The following UTP15 variants were observed in gnomAD, a reference collection of about 807,000 sequenced individuals.
UTP15 encodes the protein UTP15 small subunit processome component.
Under a neutral mutation model 59.1 loss-of-function variants are expected in UTP15, and 5 were observed. That is an observed-to-expected ratio of 0.08 (90% CI 0.04 to 0.18). The LOEUF (loss-of-function observed/expected upper bound fraction) is 0.18. Among genes scored for constraint, UTP15 ranks in the 10% least tolerant of loss-of-function variants. The pLI, the probability that UTP15 is intolerant of heterozygous loss-of-function variation, is 1.00. For synonymous variants in UTP15, 211 were observed against 212.2 expected (o/e 0.99, Z 0.05); for missense variants, 494 against 616.7 (o/e 0.80, Z 2.11).
Position 73,570,844 on chromosome 5 carries a change from T to A in UTP15, c.673+133T>A, listed in dbSNP as rs112503473. The A allele has an allele frequency of 4.9e-3, 6,132 of 1,262,902 alleles. 211 individuals carry two copies. In the African/African-American group the frequency reaches 0.077, roughly 16 times the overall value. 78.2% of individuals were successfully genotyped at this position (1,262,902 alleles called of 1,614,324 possible). A position where few individuals can be genotyped will look rare whatever the true frequency, so the allele number is the denominator to read the frequency against. ...AGTCTTTGTTCAAACAGTTGATAGG[T>A]AGGACTGGCAAGCAGTTATCATTTA... On this transcript the variant is annotated intron_variant, in intron 6 of 12. Transcript: ENST00000296792.
chr5:73,583,258 A>G lies in UTP15; in HGVS notation c.*3164A>G, dbSNP rs1230634424. On this transcript the variant is annotated 3_prime_UTR_variant, in exon 13 of 13. Transcript: ENST00000296792. ...ATAATGAAATTCCTGATCTGGGAAA[A>G]TGGGAGGCTGGGAATGCTATGTCTA... 1 of 152,178 alleles carries G rather than the reference A, an allele frequency of 6.6e-6. No individual in the cohort carries two copies. Among genetic ancestry groups the G allele is most frequent in the Non-Finnish European group, 1.5e-5 (1 of 68,046 alleles). The allele number at this position is 152,178 out of a possible 1,614,324, so 9.4% of individuals were successfully genotyped here.
At chr5:73,576,477 CT>C (rs754301537) in intron 7 of UTP15, among the ~76,000 whole-genome samples, 481 of 129,872 alleles carry the variant, frequency 3.7e-3, no homozygotes, top group Admixed American at 4.0e-3. Flanking sequence ...GTATACAGCT[CT>C]TTTTTTTTTT....
At chr5:73,579,515 A>C in intron 12 of UTP15, 140 bp downstream of exon 12, 1 of 714,976 alleles carries the variant, frequency 1.4e-6, no homozygotes, top group Non-Finnish European at 2.3e-6. Context: ...GAAAACAACA[A>C]GTCAGTGCAG....
intron 7 of UTP15, among the ~76,000 whole-genome samples, chr5:73,576,087 G>GT (rs11396356): frequency 0.13 from 18,267 of 141,276 alleles, 2,059 homozygotes; most frequent in East Asian, 0.45. Context: ...CTGTCCTTCT[G>GT]TTTTTTTTTT....
At chr5:73,570,762 T>C (rs1446117656) in intron 6 of UTP15, 51 bp downstream of exon 6, 1 of 1,602,074 alleles carries the variant, frequency 6.2e-7, no homozygotes, top group South Asian at 1.1e-5. Context: ...GAATCACGTT[T>C]GTTTAAAATC....
chr5:73,565,915 A>AGGTGAAGG lies in UTP15; in HGVS notation c.-84+4_-84+11dup, dbSNP rs757041005. Reference sequence around the variant, plus strand: ...GGACCCTTTGGGGCTCAGTGGAGGTAGGTGAAGGCGGCTCCCATTGAGGGA... The same window carrying AGGTGAAGG: ...GGACCCTTTGGGGCTCAGTGGAGGTAGGTGAAGGGGTGAAGGCGGCTCCCATTGAGGGA... On this transcript the variant is annotated splice_donor_region_variant and intron_variant, in intron 1 of 12. Coordinates refer to ENST00000296792, the MANE Select transcript of UTP15 (RefSeq NM_032175.4). 41 of 455,928 alleles carry AGGTGAAGG rather than the reference A, an allele frequency of 9.0e-5. No individual in the cohort carries two copies. The highest frequency in any genetic ancestry group is 4.6e-4 in the South Asian group (30 of 64,556). 28.2% of individuals were successfully genotyped at this position (455,928 alleles called of 1,614,324 possible).
chr5:73,570,665 G>A lies in UTP15; in HGVS notation c.627G>A (p.Val209=). 2 of 1,614,202 alleles carry A rather than the reference G, an allele frequency of 1.2e-6. No homozygotes were observed. The highest frequency in any genetic ancestry group is 1.7e-6 in the Non-Finnish European group (2 of 1,180,032). Residue 209 remains valine (V), a synonymous_variant, in exon 6 of 13, where the codon GTG becomes GTA. Coordinates refer to ENST00000296792, the MANE Select transcript of UTP15 (RefSeq NM_032175.4). The part of the protein sequence containing the change: ...SVLSVEHGQP[V]ESVLLFPSGG... ...TCTCCGTTGAGCATGGGCAGCCAGT[G>A]GAGAGTGTCCTACTTTTCCCCTCTG...
chr5:73,570,175 G>C (rs189412084), intron 5 of UTP15, among the ~76,000 whole-genome samples: 7 of 152,198 alleles, frequency 4.6e-5, no homozygotes, highest in Admixed American at 3.3e-4. Context: ...TTTGTTGATT[G>C]TTCATGTCTT....
At chr5:73,575,481 G>A (rs1300488910) in intron 7 of UTP15, among the ~76,000 whole-genome samples, 1 of 151,894 alleles carries the variant, frequency 6.6e-6, no homozygotes, top group East Asian at 1.9e-4. Flanking sequence ...AAAGAATTCT[G>A]TGCCCCAAAA....
At chr5:73,569,260 T>C (rs1411151177) in intron 4 of UTP15, among the ~76,000 whole-genome samples, 1 of 142,440 alleles carries the variant, frequency 7.0e-6, no homozygotes, top group African/African-American at 2.5e-5. Context: ...GAAAATATAA[T>C]TTTAAGGCTA....
At chr5:73,570,556 A>C (rs1470615204) in intron 5 of UTP15, 30 bp from the exon 6 acceptor site, 2 of 1,609,998 alleles carry the variant, frequency 1.2e-6, no homozygotes, top group Non-Finnish European at 1.7e-6. Flanking sequence ...TTAAACAGTC[A>C]AACTAAAAAT....
chr5:73,573,292 G>T, intron 7 of UTP15, among the ~76,000 whole-genome samples: 1 of 147,654 alleles, frequency 6.8e-6, no homozygotes, highest in Admixed American at 6.8e-5. Flanking sequence ...CTGTTGCCCA[G>T]GCTGGTGTGC....
chr5:73,567,390 G>C lies in UTP15; in HGVS notation c.46G>C (p.Gly16Arg). The C allele has an allele frequency of 1.2e-6, 2 of 1,608,784 alleles. No individual in the cohort carries two copies. The highest frequency in any genetic ancestry group is 1.7e-6 in the Non-Finnish European group (2 of 1,177,412). Residue 16 changes from glycine (G) to arginine (R), a missense_variant, in exon 2 of 13, where the codon GGT becomes CGT. Gly to Arg is a moderately radical substitution (Grantham distance 125, BLOSUM62 -2). Coordinates refer to ENST00000296792, the MANE Select transcript of UTP15 (RefSeq NM_032175.4). ...AGCTATTCAGACATATCCTATACTT[G>C]GTGAAAAAATCACCCAAGATACACT... ...PVAIQTYPIL[G>R]EKITQDTLYW...
intron 9 of UTP15, 178 bp downstream of exon 9, chr5:73,578,183 G>C: frequency 3.4e-6 from 2 of 584,964 alleles, no homozygotes; most frequent in Non-Finnish European, 2.9e-6. Context: ...TGGGGAACAA[G>C]GACTACTTTA....
In UTP15 at chr5:73,579,308, A is replaced by T. The variant is rs1209424350; in HGVS notation, c.1281-9A>T. On this transcript the variant is annotated splice_polypyrimidine_tract_variant and intron_variant, in intron 11 of 12. Transcript: ENST00000296792. Reference sequence around the variant, plus strand: ...ACAAGTTTCACTAAACTGAATTTTTACTTTGTAGGAATCTTTCTCAGCCAA... The same window carrying T: ...ACAAGTTTCACTAAACTGAATTTTTTCTTTGTAGGAATCTTTCTCAGCCAA... 2 of 1,606,046 alleles carry T rather than the reference A, an allele frequency of 1.2e-6. No individual in the cohort carries two copies. Among genetic ancestry groups the T allele is most frequent in the East Asian group, 2.2e-5 (1 of 44,778 alleles).
At chr5:73,567,741 T>G (rs1026863446) in intron 2 of UTP15, 1 of 202,800 alleles carries the variant, frequency 4.9e-6, no homozygotes, top group Admixed American at 5.8e-5. Flanking sequence ...TTGCTTGTAA[T>G]AGTAGAAATC....
intron 6 of UTP15, among the ~76,000 whole-genome samples, chr5:73,571,400 A>C (rs1314321331): frequency 6.6e-6 from 1 of 151,914 alleles, no homozygotes; most frequent in Non-Finnish European, 1.5e-5. Context: ...GTTGGGACTG[A>C]GATGTTTTTC....
chr5:73,571,421 C>G (rs147987395), intron 6 of UTP15, among the ~76,000 whole-genome samples: 5 of 152,050 alleles, frequency 3.3e-5, no homozygotes, highest in African/African-American at 1.2e-4. Context: ...TCATTTTGCA[C>G]ATATTGCATT....
chr5:73,575,726 C>T (rs1371900550), intron 7 of UTP15, among the ~76,000 whole-genome samples: 27 of 139,916 alleles, frequency 1.9e-4, no homozygotes, highest in African/African-American at 6.3e-4. Context: ...ATAATTTTTT[C>T]TTTTTTTTTT....
Sources: gnomAD v4.1 joint callset for allele counts (sites outside exome capture counted in the v4.1 genomes callset) on GRCh38, gnomAD v4.1.1 for gene constraint, MANE v1.5 for transcripts, NCBI Gene and HGNC (gene_info 2026-07-23, HGNC 2026-07-21) for gene names.